Variants in WARS2 observed in about 807,000 individuals in gnomAD.
WARS2 encodes the protein tryptophanyl tRNA synthetase 2, mitochondrial.
WARS2 carries 28 observed loss-of-function variants against 36.5 expected under a neutral mutation model. The observed-to-expected ratio is 0.77, with a 90% CI of 0.57 to 1.05. WARS2 has a LOEUF of 1.05. WARS2 is among the 50% of genes least tolerant of loss of function. WARS2 has a pLI of 0.00. For missense variants in WARS2, 435 were observed against 456.8 expected (o/e 0.95, Z 0.44); for synonymous variants, 174 against 178.4 (o/e 0.98, Z 0.20).
chr1:119,107,170 A>C (rs1165045591), intron 1 of WARS2, among the ~76,000 whole-genome samples: 1 of 151,978 alleles, frequency 6.6e-6, no homozygotes, highest in Non-Finnish European at 1.5e-5. Context: ...CTTATTATTG[A>C]GTTATAAGAG....
intron 1 of WARS2, among the ~76,000 whole-genome samples, chr1:119,105,538 G>A (rs1382939503): frequency 1.3e-5 from 2 of 152,148 alleles, no homozygotes; most frequent in Non-Finnish European, 2.9e-5. Context: ...GGGGAGCCAA[G>A]ATAAGTGACC....
chr1:119,077,663 AT>A (rs1428640404), intron 1 of WARS2, among the ~76,000 whole-genome samples: 1 of 152,154 alleles, frequency 6.6e-6, no homozygotes, highest in African/African-American at 2.4e-5. Flanking sequence ...CTACATAATT[AT>A]TTAAATTATA....
chr1:119,042,433 A>G (rs1648453646), intron 3 of WARS2, 84 bp from the exon 4 acceptor site: 2 of 1,330,202 alleles, frequency 1.5e-6, no homozygotes, highest in South Asian at 2.4e-5. Context: ...GAAAATTTTA[A>G]AACAAGCAAA....
chr1:119,049,429 A>G (rs572470277), intron 2 of WARS2, among the ~76,000 whole-genome samples: 1 of 152,024 alleles, frequency 6.6e-6, no homozygotes, highest in Non-Finnish European at 1.5e-5. Context: ...TGTTTCTTCT[A>G]TTGTTTTTTA....
At chr1:119,063,623 G>C (rs1025630687) in intron 2 of WARS2, 1 of 152,146 alleles carries the variant, frequency 6.6e-6, no homozygotes, top group East Asian at 1.9e-4. Context: ...GGGACTTGGC[G>C]CACTGTGTCC....
chr1:119,125,038 A>C (rs1041772741), intron 1 of WARS2, among the ~76,000 whole-genome samples: 10 of 152,222 alleles, frequency 6.6e-5, no homozygotes, highest in Non-Finnish European at 1.2e-4. Context: ...ACAAGAATTA[A>C]ATGAGTTAAT....
intron 1 of WARS2, among the ~76,000 whole-genome samples, chr1:119,136,081 T>TTAAA (rs928948516): frequency 3.9e-5 from 6 of 152,128 alleles, no homozygotes; most frequent in South Asian, 4.1e-4. Flanking sequence ...CAATAGATGT[T>TTAAA]TAAATAAATA....
rs758130195 is a variant in WARS2 at position 119,076,380 on chromosome 1, C to T, written c.318G>A (p.Pro106=). Residue 106 remains proline (P), a synonymous_variant, in exon 2 of 6, where the codon CCG becomes CCA. Coordinates refer to ENST00000235521, the MANE Select transcript of WARS2 (RefSeq NM_015836.4). ...TAVLLACGIN[P]EKSILFQQSQ... ...ATTGTTGGAAAAGGATGCTTTTTTC[C>T]GGGTTTATGCCACAGGCAAGAAGAA... is the stretch of plus-strand genomic sequence containing the variant. 3.2e-5 allele frequency: 51 copies of T among 1,613,710 alleles called. No homozygotes were observed. The highest frequency in any genetic ancestry group is 2.7e-4 in the South Asian group (25 of 91,042).
Position 119,033,363 on chromosome 1 carries a change from G to C in WARS2, c.635-4C>G. ...GATTTTACCTTCTTCATGGATGCTA[G>C]GTTAAAAACACCAACACACACATAC... is the stretch of plus-strand genomic sequence containing the variant. On this transcript the variant is annotated splice_polypyrimidine_tract_variant and splice_region_variant and intron_variant, in intron 5 of 5. Transcript: ENST00000235521. The C allele has an allele frequency of 6.2e-7, 1 of 1,614,036 alleles. No individual in the cohort carries two copies. Among genetic ancestry groups the C allele is most frequent in the Non-Finnish European group, 8.5e-7 (1 of 1,179,980 alleles).
At position 119,054,015 on chromosome 1, in the gene WARS2, C is replaced by T. The variant is rs563072743; in HGVS notation, c.349-8353G>A. Among the ~76,000 whole-genome samples, 33 of 151,888 alleles carry T rather than the reference C, an allele frequency of 2.2e-4. No homozygotes were observed. In the South Asian group the frequency reaches 6.6e-3, roughly 31 times the overall value. On this transcript the variant is annotated intron_variant, in intron 2 of 5. Transcript: ENST00000235521. ...AAGGCTGCAGTGAGCTATGATAACACCACTGCACTCCAGCCTGAGCAACAG... is the reference window on the plus strand; with the variant it reads ...AAGGCTGCAGTGAGCTATGATAACATCACTGCACTCCAGCCTGAGCAACAG...
chr1:119,070,300 C>T lies in WARS2; in HGVS notation c.348+6050G>A, dbSNP rs560937032. Among the ~76,000 whole-genome samples, 8 of 152,158 alleles carry T rather than the reference C, an allele frequency of 5.3e-5. No individual in the cohort carries two copies. The South Asian group carries it at 1.2e-3, about 24-fold the overall frequency. The stretch of plus-strand genomic sequence containing the variant: ...TTTTTGAGATAAGGTGTCACTCTGT[C>T]ACCCAGGCTGGAGTGCAGGGGCGTG... On this transcript the variant is annotated intron_variant, in intron 2 of 5. Transcript: ENST00000235521.
chr1:119,088,266 C>T (rs2101390990), intron 1 of WARS2, among the ~76,000 whole-genome samples: 1 of 152,236 alleles, frequency 6.6e-6, no homozygotes, highest in East Asian at 1.9e-4. Context: ...TGCCTGGGCA[C>T]CACCCCCAGA....
chr1:119,033,012 T>C lies in WARS2; in HGVS notation c.982A>G (p.Lys328Glu). The C allele has an allele frequency of 6.2e-7, 1 of 1,614,254 alleles. No homozygotes were observed. Among genetic ancestry groups the C allele is most frequent in the South Asian group, 1.1e-5 (1 of 91,090 alleles). The change falls in exon 6 of 6, where the codon AAG becomes GAG. Residue 328 changes from lysine to glutamate, a missense_variant. Coordinates refer to ENST00000235521, the MANE Select transcript of WARS2 (RefSeq NM_015836.4). ...KREIEKLKLD[K>E]DHLEKVLQIG... ...TGTAAAACCTTCTCTAAATGGTCCT[T>C]GTCCAGCTTCAGTTTTTCAATTTCA... is the stretch of plus-strand genomic sequence containing the variant.
rs149015655 is a variant in WARS2, at chr1:119,046,068, C to T, written c.349-406G>A. The stretch of plus-strand genomic sequence containing the variant: ...ACACTCACACACTGGTTCCAAGCCT[C>T]TCTAAATAACTTCTAAATACATCAA... On this transcript the variant is annotated intron_variant, in intron 2 of 5. Transcript: ENST00000235521. 3.1e-3 allele frequency among the ~76,000 whole-genome samples: 470 copies of T among 152,162 alleles called. 5 individuals are homozygous for T. Among genetic ancestry groups the T allele is most frequent in the South Asian group, 0.025 (122 of 4,818 alleles).
At chr1:119,123,616 A>ACC in intron 1 of WARS2, among the ~76,000 whole-genome samples, 1 of 152,040 alleles carries the variant, frequency 6.6e-6, no homozygotes, top group Admixed American at 6.6e-5. Context: ...ACACACACAC[A>ACC]CACACACGTT....
chr1:119,136,472 C>T (rs868333597), intron 1 of WARS2, among the ~76,000 whole-genome samples: 4 of 152,096 alleles, frequency 2.6e-5, no homozygotes, highest in African/African-American at 4.8e-5. Context: ...TAAGACTCAC[C>T]GACTGAGATT....
intron 1 of WARS2, among the ~76,000 whole-genome samples, chr1:119,077,273 G>T (rs1378215020): frequency 6.6e-6 from 1 of 152,140 alleles, no homozygotes; most frequent in Non-Finnish European, 1.5e-5. Flanking sequence ...ATACAGAATA[G>T]GGTTCAGAGA....
chr1:119,082,086 A>T (rs1474338205), intron 1 of WARS2, among the ~76,000 whole-genome samples: 3 of 152,212 alleles, frequency 2.0e-5, no homozygotes, highest in Non-Finnish European at 4.4e-5. Flanking sequence ...CCAAATAAGA[A>T]AAAATATGGA....
intron 1 of WARS2, among the ~76,000 whole-genome samples, chr1:119,105,429 T>C (rs1346904067): frequency 2.6e-5 from 4 of 152,076 alleles, no homozygotes; most frequent in African/African-American, 9.7e-5. Context: ...ATTCATGGTA[T>C]TTAAAAGATG....
Sources: allele counts gnomAD v4.1 joint callset (sites outside exome capture counted in the v4.1 genomes callset), GRCh38; gene constraint gnomAD v4.1.1; transcripts MANE v1.5; gene names NCBI Gene and HGNC (gene_info 2026-07-23, HGNC 2026-07-21).